SCARA3: variants seen among roughly 807,000 people sequenced by gnomAD.
SCARA3 encodes cellular stress response gene protein.
In SCARA3, 39 loss-of-function variants were observed where a neutral mutation model predicts 47.0. The ratio of observed to expected loss-of-function variants is 0.83; its 90% CI spans 0.64 to 1.08. The LOEUF (loss-of-function observed/expected upper bound fraction) is 1.08. SCARA3 is among the 50% of genes least tolerant of loss of function. The pLI is 0.00. For synonymous variants in SCARA3, 356 were observed against 334.1 expected (o/e 1.07, Z -0.71); for missense variants, 724 against 792.3 (o/e 0.91, Z 1.04).
At chr8:27,711,217 A>G in the SCARA3 span, among the ~76,000 whole-genome samples, 1 of 152,238 alleles carries the variant, frequency 6.6e-6, no homozygotes, top group Non-Finnish European at 1.5e-5. Context: ...CCACCACACC[A>G]GGCCCTGGGC....
the SCARA3 span, among the ~76,000 whole-genome samples, chr8:27,732,274 A>G: frequency 6.6e-6 from 1 of 152,166 alleles, no homozygotes; most frequent in Non-Finnish European, 1.5e-5. Flanking sequence ...CCCACTCACC[A>G]GGCTTGAGAA....
the SCARA3 span, among the ~76,000 whole-genome samples, chr8:27,683,562 T>C: frequency 1.3e-5 from 2 of 152,282 alleles, no homozygotes; most frequent in East Asian, 3.9e-4. Context: ...GAGTATGAAA[T>C]GGTAGAACCT....
the SCARA3 span, among the ~76,000 whole-genome samples, chr8:27,683,738 A>C: frequency 6.6e-6 from 1 of 152,184 alleles, no homozygotes; most frequent in Non-Finnish European, 1.5e-5. Context: ...CCAAACTGGA[A>C]ACAGCCCATA....
the SCARA3 span, among the ~76,000 whole-genome samples, chr8:27,699,138 G>A: frequency 1.3e-5 from 2 of 151,748 alleles, no homozygotes; most frequent in Admixed American, 1.3e-4. Flanking sequence ...CAGCTACTTG[G>A]GAGGCTGAGG....
the SCARA3 span, among the ~76,000 whole-genome samples, chr8:27,727,441 G>A: frequency 2.0e-5 from 3 of 152,138 alleles, no homozygotes; most frequent in East Asian, 5.8e-4. Flanking sequence ...CTGGTCCTTC[G>A]CTGCATCTCT....
chr8:27,704,379 A>C, the SCARA3 span, among the ~76,000 whole-genome samples: 1 of 152,108 alleles, frequency 6.6e-6, no homozygotes, highest in South Asian at 2.1e-4. Context: ...CCAGGAAGTC[A>C]AGGCTGCAAT....
the SCARA3 span, among the ~76,000 whole-genome samples, chr8:27,713,542 C>T: frequency 6.6e-6 from 1 of 152,164 alleles, no homozygotes; most frequent in African/African-American, 2.4e-5. Flanking sequence ...TCATGGTTCC[C>T]TATTTTATCA....
Position 27,637,912 on chromosome 8 carries a change from G to T in SCARA3, c.7+3705G>T, listed in dbSNP as rs561522778. Reference sequence around the variant, plus strand: ...GAAAGCCTGACCTCATTCCCCAGGGGCACGGGAAGGAGCCAGGGCTAGAAG... The same window carrying T: ...GAAAGCCTGACCTCATTCCCCAGGGTCACGGGAAGGAGCCAGGGCTAGAAG... On this transcript the variant is annotated intron_variant, in intron 1 of 5. Transcript: ENST00000301904. Among the ~76,000 whole-genome samples the T allele has an allele frequency of 7.9e-5, 12 of 152,192 alleles. 1 individual carries two copies. Among genetic ancestry groups the T allele is most frequent in the East Asian group, 3.9e-4 (2 of 5,128 alleles).
chr8:27,638,578 A>T (rs1267778916), intron 1 of SCARA3, among the ~76,000 whole-genome samples: 1 of 152,160 alleles, frequency 6.6e-6, no homozygotes, highest in Non-Finnish European at 1.5e-5. Context: ...GTACCATGGT[A>T]TCGTCAGAAC....
At chr8:27,723,896 G>T in the SCARA3 span, among the ~76,000 whole-genome samples, 1 of 152,058 alleles carries the variant, frequency 6.6e-6, no homozygotes, top group South Asian at 2.1e-4. Context: ...CCACCATGCC[G>T]AGCTAATTTT....
chr8:27,665,511 A>C (rs1801998051), intron 5 of SCARA3, among the ~76,000 whole-genome samples: 1 of 152,186 alleles, frequency 6.6e-6, no homozygotes, highest in African/African-American at 2.4e-5. Context: ...TAGCTAAATG[A>C]CCTGGGGCGG....
chr8:27,678,569 C>A (rs78128912), downstream of SCARA3, among the ~76,000 whole-genome samples: 925 of 152,228 alleles, frequency 6.1e-3, 22 homozygotes, highest in African/African-American at 0.021. Context: ...CAACTCCACA[C>A]CCAAATAGGC....
At chr8:27,719,575 T>C in the SCARA3 span, among the ~76,000 whole-genome samples, 1 of 150,622 alleles carries the variant, frequency 6.6e-6, no homozygotes, top group Non-Finnish European at 1.5e-5. Flanking sequence ...AGGTCTAGGC[T>C]GTGTGACCTT....
At chr8:27,658,350 G>A (rs146876778) in intron 4 of SCARA3, 146 bp from the exon 5 acceptor site, 5 of 690,714 alleles carry the variant, frequency 7.2e-6, no homozygotes, top group Non-Finnish European at 9.5e-6. Flanking sequence ...GCTTTTTCAA[G>A]AAGGAATTCA....
chr8:27,693,800 A>G, the SCARA3 span, among the ~76,000 whole-genome samples: 3 of 152,354 alleles, frequency 2.0e-5, no homozygotes, highest in East Asian at 5.8e-4. Context: ...CTTGTAATCC[A>G]GACATTCCTT....
chr8:27,691,471 G>A, the SCARA3 span, among the ~76,000 whole-genome samples: 6 of 151,988 alleles, frequency 3.9e-5, no homozygotes, highest in Non-Finnish European at 7.4e-5. Context: ...TTTCCAGCCT[G>A]ACTGCTTGTT....
chr8:27,666,443 C>A (rs1802017028), intron 5 of SCARA3, among the ~76,000 whole-genome samples: 4 of 152,190 alleles, frequency 2.6e-5, no homozygotes, highest in African/African-American at 9.7e-5. Flanking sequence ...ATAAACTAGT[C>A]CATCGTAAGC....
intron 5 of SCARA3, among the ~76,000 whole-genome samples, chr8:27,667,448 A>C (rs1441911672): frequency 1.3e-5 from 2 of 152,026 alleles, no homozygotes. Flanking sequence ...AGTGCCTAGG[A>C]TTGCAGCCTC....
intron 1 of SCARA3, among the ~76,000 whole-genome samples, chr8:27,642,548 C>T (rs1641900254): frequency 6.6e-6 from 1 of 152,196 alleles, no homozygotes; most frequent in African/African-American, 2.4e-5. Context: ...CCTGGCCAGG[C>T]ATGGTGGCTC....
Sources: gnomAD v4.1 joint callset for allele counts (sites outside exome capture counted in the v4.1 genomes callset) on GRCh38, gnomAD v4.1.1 for gene constraint, MANE v1.5 for transcripts, NCBI Gene and HGNC (gene_info 2026-07-23, HGNC 2026-07-21) for gene names.